CFAP47: variants seen among roughly 807,000 people sequenced by gnomAD.
The protein encoded by CFAP47 is cilia- and flagella-associated protein 47.
A neutral mutation model predicts 148.1 loss-of-function variants in CFAP47; 29 were observed. The ratio of observed to expected loss-of-function variants is 0.20; its 90% CI spans 0.15 to 0.27. CFAP47 has a LOEUF of 0.27. CFAP47 is among the 10% of genes least tolerant of loss of function. The pLI, the probability that CFAP47 is intolerant of heterozygous loss-of-function variation, is 1.00. For missense variants in CFAP47, 1,872 were observed against 1,697.5 expected (o/e 1.10, Z -1.81); for synonymous variants, 664 against 577.3 (o/e 1.15, Z -2.15).
chrX:36,303,879 T>C lies in CFAP47; in HGVS notation c.8001T>C (p.Asn2667=), dbSNP rs1556008299. 2 of 1,142,200 alleles carry C rather than the reference T, an allele frequency of 1.8e-6. No homozygotes were observed. Among genetic ancestry groups the C allele is most frequent in the Non-Finnish European group, 2.3e-6 (2 of 855,618 alleles). 94.1% of individuals were successfully genotyped at this position (1,142,200 alleles called of 1,213,427 possible). A position where few individuals can be genotyped will look rare whatever the true frequency, so the allele number is the denominator to read the frequency against. ...TCACTCAGATCATTCCTTTAGTTAA[T>C]TGTACGCATGAAACCTTAAAATTGC... ...KHVTQIIPLV[N]CTHETLKLQV... is the part of the protein sequence containing the mutation. Residue 2667 remains asparagine (N), a synonymous_variant, in exon 54 of 64, where the codon AAT becomes AAC. Transcript: ENST00000378653.
chrX:36,076,346 C>G (rs1601963101), intron 29 of CFAP47, among the ~76,000 whole-genome samples: 1 of 74,415 alleles, frequency 1.3e-5, no homozygotes, highest in Non-Finnish European at 2.4e-5. Context: ...CACCCCACAA[C>G]AAGCCCCGGT....
intron 45 of CFAP47, among the ~76,000 whole-genome samples, chrX:36,218,545 G>A (rs1940181989): frequency 8.9e-6 from 1 of 111,767 alleles, no homozygotes; most frequent in African/African-American, 3.2e-5. Flanking sequence ...CATGAGATCT[G>A]GTAGTAGTGG....
chrX:36,171,207 A>T (rs1261545306), intron 39 of CFAP47, among the ~76,000 whole-genome samples: 1 of 106,808 alleles, frequency 9.4e-6, no homozygotes, highest in Non-Finnish European at 1.9e-5. Flanking sequence ...GCCCTTTGTC[A>T]GATGAGTAGG....
chrX:36,366,914 C>G (rs2146994792), intron 61 of CFAP47, 52 bp from the exon 62 acceptor site: 1 of 847,900 alleles, frequency 1.2e-6, no homozygotes, highest in East Asian at 3.7e-5. Context: ...TATATTTATT[C>G]TCTTTACTTG....
At chrX:35,953,970 G>T (rs1936206662) in intron 7 of CFAP47, among the ~76,000 whole-genome samples, 1 of 110,698 alleles carries the variant, frequency 9.0e-6, no homozygotes, top group African/African-American at 3.3e-5. Flanking sequence ...TAAACATGAT[G>T]ATCTAGGGTT....
chrX:35,924,019 GCACATATA>G, intron 1 of CFAP47, among the ~76,000 whole-genome samples: 1 of 81,272 alleles, frequency 1.2e-5, no homozygotes, highest in African/African-American at 4.9e-5. Flanking sequence ...AAATATATAT[GCACATATA>G]TATGCACATA....
chrX:36,092,368 G>A (rs1050817543), intron 30 of CFAP47, among the ~76,000 whole-genome samples: 1 of 110,919 alleles, frequency 9.0e-6, no homozygotes, highest in Non-Finnish European at 1.9e-5. Context: ...TCTGTTAGAT[G>A]TTTTATTGTA....
intron 62 of CFAP47, among the ~76,000 whole-genome samples, chrX:36,371,734 G>A (rs1319148794): frequency 5.0e-4 from 26 of 51,531 alleles, no homozygotes; most frequent in Non-Finnish European, 6.7e-4. Context: ...ACACATGTGT[G>A]TATATATGTG....
intron 45 of CFAP47, among the ~76,000 whole-genome samples, chrX:36,206,958 A>G (rs1164199172): frequency 5.3e-5 from 6 of 112,350 alleles, no homozygotes; most frequent in Non-Finnish European, 9.4e-5. Flanking sequence ...TTTTCATCCT[A>G]TGTTTCTGTT....
chrX:35,935,921 T>C (rs6629021), intron 2 of CFAP47, among the ~76,000 whole-genome samples: 21,716 of 110,681 alleles, frequency 0.2, 1,854 homozygotes, highest in African/African-American at 0.32. Flanking sequence ...TCTCTCTGGC[T>C]GATTTCATGA....
At position 36,065,558 on chromosome X, in the gene CFAP47, T is replaced by A. The variant is rs747916772; in HGVS notation, c.4218-85T>A. ...AATGAATAAATCATGTCTTCATCAT[T>A]AAGGGCATCTGGGATACTTAAATGC... On this transcript the variant is annotated intron_variant, in intron 26 of 63. Coordinates refer to ENST00000378653, the MANE Select transcript of CFAP47 (RefSeq NM_001304548.2). 3.1e-5 allele frequency: 16 copies of A among 510,264 alleles called. No individual in the cohort carries two copies. In the East Asian group the frequency reaches 6.1e-4, roughly 20 times the overall value. The allele number at this position is 510,264 out of a possible 1,213,427, so 42.1% of individuals were successfully genotyped here.
chrX:36,129,090 CT>C (rs1938898332), intron 33 of CFAP47, among the ~76,000 whole-genome samples: 1 of 109,396 alleles, frequency 9.1e-6, no homozygotes, highest in Non-Finnish European at 1.9e-5. Flanking sequence ...AGATTTTTTT[CT>C]TTGTAGGATG....
intron 3 of CFAP47, among the ~76,000 whole-genome samples, chrX:35,947,478 A>G (rs1034767822): frequency 1.8e-5 from 2 of 109,805 alleles, no homozygotes; most frequent in African/African-American, 6.6e-5. Flanking sequence ...GGCTAATAAC[A>G]TGTGGGTGTA....
At chrX:35,923,597 A>C (rs1601874599) in intron 1 of CFAP47, among the ~76,000 whole-genome samples, 1 of 110,123 alleles carries the variant, frequency 9.1e-6, no homozygotes, top group African/African-American at 3.3e-5. Context: ...CGAGGCGGGC[A>C]GATCACGAGT....
At chrX:36,334,791 A>G (rs1369535648) in intron 57 of CFAP47, among the ~76,000 whole-genome samples, 1 of 110,601 alleles carries the variant, frequency 9.0e-6, no homozygotes, top group Non-Finnish European at 1.9e-5. Flanking sequence ...AGGATATCAC[A>G]CTATCCTAGC....
intron 42 of CFAP47, among the ~76,000 whole-genome samples, chrX:36,198,938 T>A (rs181070282): frequency 1.8e-5 from 2 of 112,076 alleles, no homozygotes; most frequent in Non-Finnish European, 3.8e-5. Flanking sequence ...ATGAAGCAAA[T>A]CCCAGTGATC....
chrX:36,039,569 A>C (rs1214332225), intron 25 of CFAP47, among the ~76,000 whole-genome samples: 1 of 112,395 alleles, frequency 8.9e-6, no homozygotes, highest in East Asian at 2.8e-4. Context: ...CAGCTGTCTT[A>C]GCTGCATCCT....
Position 36,379,597 on chromosome X carries a change from C to T in CFAP47, c.9354+79C>T, listed in dbSNP as rs188036619. ...AATAAACTAGCAAGAAAAGGTTTTA[C>T]TACATGGTGACAGATAAAGAATAAC... On this transcript the variant is annotated intron_variant, in intron 63 of 63. Coordinates refer to ENST00000378653, the MANE Select transcript of CFAP47 (RefSeq NM_001304548.2). 6.1e-4 allele frequency: 471 copies of T among 775,997 alleles called. 2 individuals carry two copies. The African/African-American group carries it at 9.2e-3, about 15-fold the overall frequency. The allele number at this position is 775,997 out of a possible 1,213,427, so 64.0% of individuals were successfully genotyped here.
intron 26 of CFAP47, among the ~76,000 whole-genome samples, chrX:36,061,998 C>T (rs1288421463): frequency 9.0e-6 from 1 of 111,710 alleles, no homozygotes; most frequent in Non-Finnish European, 1.9e-5. Context: ...TAGCCACTGC[C>T]AGTGTTACCA....
Sources: allele counts gnomAD v4.1 joint callset (sites outside exome capture counted in the v4.1 genomes callset), GRCh38; gene constraint gnomAD v4.1.1; transcripts MANE v1.5; gene names NCBI Gene and HGNC (gene_info 2026-07-23, HGNC 2026-07-21).